GRHL2: variants seen among roughly 807,000 people sequenced by gnomAD.
The protein encoded by GRHL2 is grainyhead-like protein 2 homolog.
A neutral mutation model predicts 83.8 loss-of-function variants in GRHL2; 21 were observed. The ratio of observed to expected loss-of-function variants is 0.25; its 90% confidence interval spans 0.18 to 0.36. GRHL2 has a LOEUF of 0.36. Ranked by LOEUF, GRHL2 falls within the 10% of genes least tolerant of loss-of-function variation. GRHL2 has a pLI of 1.00. For missense variants in GRHL2, 623 were observed against 781.8 expected, an observed-to-expected ratio of 0.80 and a Z score of 2.42; for synonymous variants, 280 against 278.9, an observed-to-expected ratio of 1.00 and a Z score of -0.04.
At chr8:101,547,057 T>A (rs188517856) in intron 2 of GRHL2, among the ~76,000 whole-genome samples, 1 of 152,372 alleles carries the variant, frequency 6.6e-6, no homozygotes, top group African/African-American at 2.4e-5. Flanking sequence ...TTTCTGGAAA[T>A]AATTGGTCTT....
intron 7 of GRHL2, among the ~76,000 whole-genome samples, chr8:101,586,538 C>A (rs118065034): frequency 6.6e-6 from 1 of 152,170 alleles, no homozygotes; most frequent in African/African-American, 2.4e-5. Flanking sequence ...CCTCTGCAGG[C>A]TTTGGTTTAG....
At chr8:101,619,495 CT>C in intron 8 of GRHL2, 43 bp from the exon 9 acceptor site, 7 of 1,590,904 alleles carry the variant, frequency 4.4e-6, no homozygotes, top group Non-Finnish European at 5.2e-6. Flanking sequence ...ATTGTACATT[CT>C]TTTTATGTTG....
chr8:101,660,214 A>G (rs953533310), intron 14 of GRHL2, among the ~76,000 whole-genome samples: 7 of 152,130 alleles, frequency 4.6e-5, no homozygotes, highest in African/African-American at 1.7e-4. Context: ...TCAGATGCAT[A>G]AAGTTTTATG....
chr8:101,555,546 G>T (rs898417438), intron 3 of GRHL2, among the ~76,000 whole-genome samples: 4 of 152,136 alleles, frequency 2.6e-5, no homozygotes, highest in African/African-American at 9.7e-5. Context: ...TGAGGTTTAG[G>T]ACATGGTAAT....
intron 1 of GRHL2, among the ~76,000 whole-genome samples, chr8:101,530,795 C>T (rs1810908666): frequency 6.6e-6 from 1 of 152,178 alleles, no homozygotes; most frequent in African/African-American, 2.4e-5. Flanking sequence ...TTCTCTATTA[C>T]TCTGAATTTG....
At chr8:101,632,427 T>TAG in intron 11 of GRHL2, 62 bp downstream of exon 11, 2 of 1,594,968 alleles carry the variant, frequency 1.3e-6, no homozygotes, top group Non-Finnish European at 1.7e-6. Context: ...GGCTTTAAGA[T>TAG]AGAAGCATTT....
rs376988356 is a variant in GRHL2, at chr8:101,554,011, T to C, written c.284+1229T>C. Among the ~76,000 whole-genome samples the C allele has an allele frequency of 3.7e-4, 57 of 152,316 alleles. 1 individual carries two copies. The highest frequency in any genetic ancestry group is 1.2e-3 in the African/African-American group (51 of 41,576). ...GGAGAGAAGCCATAGTGTTTTTCTA[T>C]TGGAGGTTCTTCCATATGGAAGTAA... On this transcript the variant is annotated intron_variant, in intron 3 of 15. Coordinates refer to ENST00000646743, the MANE Select transcript of GRHL2 (RefSeq NM_024915.4).
chr8:101,494,780 T>A (rs1810060517), intron 1 of GRHL2, among the ~76,000 whole-genome samples: 1 of 152,256 alleles, frequency 6.6e-6, no homozygotes, highest in Non-Finnish European at 1.5e-5. Context: ...CAGAAATAAG[T>A]ACTGAGCGCC....
chr8:101,511,195 C>T (rs1022529309), intron 1 of GRHL2, among the ~76,000 whole-genome samples: 1 of 152,034 alleles, frequency 6.6e-6, no homozygotes, highest in African/African-American at 2.4e-5. Flanking sequence ...ATCAATAATA[C>T]AGTCACTTCA....
At chr8:101,512,663 C>T (rs544376607) in intron 1 of GRHL2, among the ~76,000 whole-genome samples, 3 of 152,064 alleles carry the variant, frequency 2.0e-5, no homozygotes, top group East Asian at 1.9e-4. Context: ...TTAGTAGAGA[C>T]GGGGTTTCAC....
At chr8:101,647,783 G>T (rs1813542625) in intron 13 of GRHL2, among the ~76,000 whole-genome samples, 1 of 150,296 alleles carries the variant, frequency 6.7e-6, no homozygotes, top group African/African-American at 2.5e-5. Flanking sequence ...AACATCCACT[G>T]GCTGCAGAAA....
At chr8:101,660,425 G>C (rs779697096) in intron 14 of GRHL2, among the ~76,000 whole-genome samples, 1 of 152,094 alleles carries the variant, frequency 6.6e-6, no homozygotes, top group Non-Finnish European at 1.5e-5. Context: ...ATTGTCTTCA[G>C]TGCTTTTCTT....
intron 8 of GRHL2, among the ~76,000 whole-genome samples, chr8:101,600,477 G>A (rs1194633199): frequency 6.6e-6 from 1 of 152,190 alleles, no homozygotes; most frequent in Admixed American, 6.5e-5. Context: ...AGGGCTGTCT[G>A]CACCTTTCCC....
At chr8:101,567,619 A>G (rs1401047658) in intron 4 of GRHL2, among the ~76,000 whole-genome samples, 1 of 152,240 alleles carries the variant, frequency 6.6e-6, no homozygotes, top group Non-Finnish European at 1.5e-5. Context: ...CATGGTAACT[A>G]CAGTAGTCAC....
At chr8:101,640,691 G>T (rs1046853195) in intron 12 of GRHL2, among the ~76,000 whole-genome samples, 1 of 152,076 alleles carries the variant, frequency 6.6e-6, no homozygotes, top group African/African-American at 2.4e-5. Flanking sequence ...TTTCCAGCTT[G>T]CAGCAAGGTC....
intron 3 of GRHL2, among the ~76,000 whole-genome samples, chr8:101,553,722 G>A (rs1332833537): frequency 1.3e-5 from 2 of 150,318 alleles, no homozygotes; most frequent in Non-Finnish European, 1.5e-5. Context: ...CCGCCTCCCA[G>A]GTTCAAGCTA....
intron 14 of GRHL2, among the ~76,000 whole-genome samples, chr8:101,663,338 G>A (rs981973313): frequency 2.6e-5 from 4 of 152,142 alleles, no homozygotes; most frequent in South Asian, 4.1e-4. Context: ...AATAGGCCGG[G>A]TGTGGTGGCT....
downstream of GRHL2, among the ~76,000 whole-genome samples, chr8:101,671,201 C>G (rs1249967753): frequency 6.6e-6 from 1 of 152,166 alleles, no homozygotes; most frequent in Non-Finnish European, 1.5e-5. Flanking sequence ...GCACCCTGCG[C>G]AAGCTGAAGC....
chr8:101,577,577 G>A, intron 7 of GRHL2, 58 bp downstream of exon 7: 3 of 1,123,270 alleles, frequency 2.7e-6, no homozygotes, highest in Non-Finnish European at 4.0e-6. Flanking sequence ...TTGTCTCAAT[G>A]CCAAGGGGAG....
Sources: allele counts gnomAD v4.1 joint callset (sites outside exome capture counted in the v4.1 genomes callset), GRCh38; gene constraint gnomAD v4.1.1; transcripts MANE v1.5; gene names NCBI Gene and HGNC (gene_info 2026-07-23, HGNC 2026-07-21).